The following CNTN4 variants were observed in gnomAD, a reference collection of about 807,000 sequenced individuals.
CNTN4 encodes the protein contactin-4.
CNTN4 carries 77 observed loss-of-function variants against 122.5 expected under a neutral mutation model. The ratio of observed to expected loss-of-function variants is 0.63; its 90% CI spans 0.52 to 0.76. The LOEUF (loss-of-function observed/expected upper bound fraction) is 0.76. Among genes scored for constraint, CNTN4 ranks in the 30% least tolerant of loss-of-function variants. The pLI, the probability that CNTN4 is intolerant of heterozygous loss-of-function variation, is 0.00. For synonymous variants in CNTN4, 512 were observed against 447.0 expected (o/e 1.15, Z -1.83); for missense variants, 1,256 against 1,259.1 (o/e 1.00, Z 0.04).
chr3:2,913,426 A>G (rs966764047), intron 12 of CNTN4, among the ~76,000 whole-genome samples: 28 of 152,252 alleles, frequency 1.8e-4, no homozygotes, highest in Non-Finnish European at 4.4e-5. Context: ...GACACACTTT[A>G]GATCTAGGGT....
intron 6 of CNTN4, among the ~76,000 whole-genome samples, chr3:2,794,785 GAC>G (rs950759869): frequency 3.3e-5 from 5 of 152,190 alleles, no homozygotes; most frequent in South Asian, 2.1e-4. Flanking sequence ...ACTAAATCAA[GAC>G]ACAAGCAGAT....
intron 2 of CNTN4, among the ~76,000 whole-genome samples, chr3:2,228,420 C>G (rs942694247): frequency 6.6e-6 from 1 of 152,096 alleles, no homozygotes; most frequent in African/African-American, 2.4e-5. Context: ...TGTTTTTACA[C>G]TACAACAGTA....
At chr3:2,630,224 C>A (rs1184467069) in intron 4 of CNTN4, among the ~76,000 whole-genome samples, 1 of 152,168 alleles carries the variant, frequency 6.6e-6, no homozygotes. Flanking sequence ...CACTTGAGGT[C>A]AGGAGTTCAA....
chr3:2,518,415 A>T (rs1399031781), intron 3 of CNTN4, among the ~76,000 whole-genome samples: 1 of 152,168 alleles, frequency 6.6e-6, no homozygotes, highest in Non-Finnish European at 1.5e-5. Context: ...TTCACTTGAG[A>T]AACATTCTTG....
intron 7 of CNTN4, among the ~76,000 whole-genome samples, chr3:2,822,210 G>C (rs962758584): frequency 5.3e-5 from 8 of 152,172 alleles, no homozygotes; most frequent in African/African-American, 1.9e-4. Flanking sequence ...GTTAGTATCA[G>C]AAGCACTGAA....
intron 2 of CNTN4, among the ~76,000 whole-genome samples, chr3:2,109,371 C>T (rs1222863508): frequency 6.6e-6 from 1 of 152,028 alleles, no homozygotes; most frequent in Non-Finnish European, 1.5e-5. Flanking sequence ...ATCATTATTC[C>T]ATAATGATCT....
At chr3:2,997,976 A>G (rs1449437884) in intron 14 of CNTN4, among the ~76,000 whole-genome samples, 1 of 152,220 alleles carries the variant, frequency 6.6e-6, no homozygotes, top group Non-Finnish European at 1.5e-5. Context: ...TCTCTTCAAA[A>G]GTAGAACTGC....
intron 3 of CNTN4, among the ~76,000 whole-genome samples, chr3:2,478,970 T>C (rs2075909084): frequency 6.6e-6 from 1 of 152,120 alleles, no homozygotes; most frequent in Non-Finnish European, 1.5e-5. Context: ...GGCAAAAGGC[T>C]TTTTTTCCTT....
At chr3:2,962,658 T>A (rs1367344707) in intron 13 of CNTN4, among the ~76,000 whole-genome samples, 2 of 152,174 alleles carry the variant, frequency 1.3e-5, no homozygotes, top group African/African-American at 4.8e-5. Context: ...GAAGGAGTTA[T>A]GTATGACTAT....
intron 2 of CNTN4, among the ~76,000 whole-genome samples, chr3:2,187,420 T>G (rs546364737): frequency 2.2e-4 from 34 of 152,300 alleles, no homozygotes; most frequent in African/African-American, 7.2e-4. Context: ...GGCTCTTTTT[T>G]GGGAATCATT....
At chr3:2,946,163 C>T (rs1354880507) in intron 13 of CNTN4, among the ~76,000 whole-genome samples, 1 of 152,072 alleles carries the variant, frequency 6.6e-6, no homozygotes, top group Non-Finnish European at 1.5e-5. Flanking sequence ...TGCAGCATAT[C>T]ACTATTGTTG....
chr3:3,053,104 G>A (rs565811807), intron 23 of CNTN4, among the ~76,000 whole-genome samples: 29 of 152,222 alleles, frequency 1.9e-4, no homozygotes, highest in South Asian at 6.2e-4. Context: ...GCTTGATCTC[G>A]GCTCACTGCA....
intron 3 of CNTN4, among the ~76,000 whole-genome samples, chr3:2,468,049 C>T (rs2151481275): frequency 6.6e-6 from 1 of 152,304 alleles, no homozygotes; most frequent in South Asian, 2.1e-4. Context: ...TGATATTTTA[C>T]TCGACCATGC....
At chr3:2,457,755 A>G (rs960515403) in intron 3 of CNTN4, among the ~76,000 whole-genome samples, 4 of 152,094 alleles carry the variant, frequency 2.6e-5, no homozygotes, top group African/African-American at 9.7e-5. Context: ...AAATGCAGAA[A>G]TTTCCATGTC....
At position 2,229,409 on chromosome 3, in the gene CNTN4, ATC is replaced by A. The variant is rs2039402699; in HGVS notation, c.-144-109767_-144-109766del. 3.9e-5 allele frequency among the ~76,000 whole-genome samples: 6 copies of A among 152,256 alleles called. No individual in the cohort carries two copies. In the South Asian group the frequency reaches 1.0e-3, roughly 26 times the overall value. On this transcript the variant is annotated intron_variant, in intron 2 of 24. Coordinates refer to ENST00000418658, the MANE Select transcript of CNTN4 (RefSeq NM_175607.3). ...AGTGTTAAAAGATTGATTAAATGAA[ATC>A]TGTTAGGTAAAATGCATTTCAGTTC...
At chr3:2,529,140 T>C (rs1195027304) in intron 3 of CNTN4, among the ~76,000 whole-genome samples, 1 of 152,120 alleles carries the variant, frequency 6.6e-6, no homozygotes, top group Non-Finnish European at 1.5e-5. Flanking sequence ...AAGCCACTAC[T>C]CTACTCTCTA....
intron 3 of CNTN4, among the ~76,000 whole-genome samples, chr3:2,492,107 A>G (rs2076335960): frequency 6.6e-6 from 1 of 152,192 alleles, no homozygotes; most frequent in South Asian, 2.1e-4. Context: ...AATAATAATA[A>G]TAACTTGAAA....
intron 3 of CNTN4, among the ~76,000 whole-genome samples, chr3:2,485,689 G>A (rs2076138272): frequency 6.6e-6 from 1 of 152,152 alleles, no homozygotes; most frequent in Non-Finnish European, 1.5e-5. Flanking sequence ...TCTCTGTCTA[G>A]CTCAAGGTTT....
chr3:2,640,634 TGTG>T (rs2082859157), intron 4 of CNTN4, among the ~76,000 whole-genome samples: 1 of 89,922 alleles, frequency 1.1e-5, no homozygotes, highest in Non-Finnish European at 2.0e-5. Context: ...CTAGTGAGTG[TGTG>T]TATATGTGTG....
Sources: allele counts gnomAD v4.1 joint callset (sites outside exome capture counted in the v4.1 genomes callset), GRCh38; gene constraint gnomAD v4.1.1; transcripts MANE v1.5; gene names NCBI Gene and HGNC (gene_info 2026-07-23, HGNC 2026-07-21).